Variants in VPS11 observed in about 807,000 individuals in gnomAD.
The protein encoded by VPS11 is VPS11 core subunit of CORVET and HOPS complexes, also known as vacuolar protein sorting-associated protein 11 homolog.
A neutral mutation model predicts 106.8 loss-of-function variants in VPS11; 51 were observed. That is an observed-to-expected ratio of 0.48 (90% confidence interval 0.38 to 0.60). The LOEUF (loss-of-function observed/expected upper bound fraction) is 0.60. Among genes scored for constraint, VPS11 ranks in the 20% least tolerant of loss-of-function variants. The pLI is 0.00. For missense variants in VPS11, 950 were observed against 1,190.0 expected, an observed-to-expected ratio of 0.80 and a Z score of 2.97; for synonymous variants, 453 against 458.7, an observed-to-expected ratio of 0.99 and a Z score of 0.16.
At position 119,070,167 on chromosome 11, in the gene VPS11, C is replaced by G. The variant is rs1945320886; in HGVS notation, c.473-67C>G. The G allele has an allele frequency of 7.3e-6, 11 of 1,509,820 alleles. No homozygotes were observed. The South Asian group carries it at 1.1e-4, about 16-fold the overall frequency. 93.5% of individuals were successfully genotyped at this position (1,509,820 alleles called of 1,614,324 possible). A position where few individuals can be genotyped will look rare whatever the true frequency, so the allele number is the denominator to read the frequency against. On this transcript the variant is annotated intron_variant, in intron 3 of 15. Transcript: ENST00000621676. ...GTCACTTCTGAGTGCCTCAAGTGGT[C>G]TTTTTTCCCCTCTCCACTTCCTGAT...
At chr11:119,068,495 G>T (rs1945216471) in intron 1 of VPS11, among the ~76,000 whole-genome samples, 1 of 141,482 alleles carries the variant, frequency 7.1e-6, no homozygotes, top group Non-Finnish European at 1.5e-5. Flanking sequence ...TGTTGCCCAG[G>T]CTGGAGTGCA....
chr11:119,069,107 T>C, intron 1 of VPS11, 89 bp from the exon 2 acceptor site: 1 of 1,516,372 alleles, frequency 6.6e-7, no homozygotes, highest in East Asian at 2.3e-5. Context: ...TTGAAAATTT[T>C]AGAGTTATAT....
chr11:119,078,233 C>G lies in VPS11; in HGVS notation c.1822C>G (p.Leu608Val), dbSNP rs782280365. 6.2e-7 allele frequency: 1 copy of G among 1,613,642 alleles called. No individual in the cohort carries two copies. The highest frequency in any genetic ancestry group is 8.5e-7 in the Non-Finnish European group (1 of 1,179,848). The change falls in exon 11 of 16, where the codon CTA (leucine) becomes GTA (valine). Residue 608 changes from leucine to valine, a missense_variant. Leu to Val is a conservative substitution (Grantham distance 32). This residue lies in a region of VPS11 where 453 missense variants were observed against 514.6 expected (regional missense o/e 0.88). Coordinates refer to ENST00000621676, the MANE Select transcript of VPS11 (RefSeq NM_021729.6). Reference sequence around the variant, plus strand: ...TAACCCGCGAGAGCTGAAAGCCTTCCTAGAGCACATGAGTGAAGTGCAGCC... The same window carrying G: ...TAACCCGCGAGAGCTGAAAGCCTTCGTAGAGCACATGAGTGAAGTGCAGCC... ...ANNPRELKAF[L>V]EHMSEVQPDS...
intron 14 of VPS11, among the ~76,000 whole-genome samples, chr11:119,080,022 G>A (rs1565745301): frequency 6.6e-6 from 1 of 152,130 alleles, no homozygotes. Flanking sequence ...GCTTTATGTT[G>A]TAGAAGAGAC....
At chr11:119,068,970 C>T (rs1476800604) in intron 1 of VPS11, among the ~76,000 whole-genome samples, 1 of 131,738 alleles carries the variant, frequency 7.6e-6, no homozygotes, top group East Asian at 2.3e-4. Flanking sequence ...AGGCTGGTCT[C>T]GAACCCCTGA....
At position 119,073,922 on chromosome 11, in the gene VPS11, C is replaced by T. The variant is rs2134766917; in HGVS notation, c.1209C>T (p.Asn403=). The T allele has an allele frequency of 6.2e-7, 1 of 1,613,340 alleles. No individual in the cohort carries two copies. ...QYGDHLYSKG[N]HDGAVQQYIR... ...GAGACCATCTCTACAGCAAGGGCAA[C>T]CACGATGGGGCTGTCCAGCAATATA... Residue 403 remains asparagine, a synonymous_variant, in exon 7 of 16, where the codon AAC becomes AAT. Transcript: ENST00000621676.
rs569661949 is a variant in VPS11 at position 119,071,733 on chromosome 11, C to T, written c.774C>T (p.Tyr258=). The T allele has an allele frequency of 6.2e-7, 1 of 1,613,996 alleles. No homozygotes were observed. The highest frequency in any genetic ancestry group is 1.3e-5 in the African/African-American group (1 of 75,048). The stretch of plus-strand genomic sequence containing the variant: ...CCGGGGATGAGTGTGTCTACTTGTA[C>T]CAGCCTGATGAACGTGGGCCCTGCT... The part of the protein sequence containing the change: ...IVAGDECVYL[Y]QPDERGPCFA... The change falls in exon 5 of 16, where the codon TAC becomes TAT. Residue 258 remains tyrosine (Y), a synonymous_variant. Transcript: ENST00000621676.
At chr11:119,075,466 A>G (rs890226102) in intron 7 of VPS11, among the ~76,000 whole-genome samples, 2 of 147,854 alleles carry the variant, frequency 1.4e-5, no homozygotes, top group African/African-American at 5.0e-5. Flanking sequence ...GCACTTTGGG[A>G]GGCCAAGGCG....
chr11:119,078,332 C>T lies in VPS11; in HGVS notation c.1921C>T (p.Gln641Ter), dbSNP rs1945714367. 1 of 1,609,830 alleles carries T rather than the reference C, an allele frequency of 6.2e-7. No homozygotes were observed. The change falls in exon 11 of 16, where the codon CAG becomes TAG. Residue 641 changes from glutamine to a stop codon, truncating the protein, a stop_gained and splice_region_variant. Coordinates refer to ENST00000621676, the MANE Select transcript of VPS11 (RefSeq NM_021729.6). LOFTEE classifies it high-confidence loss of function. ...LQNWAHEKDPQVKEKLHAEAI... is the reference protein window; with the variant it reads ...LQNWAHEKDP ...GAACTGGGCCCACGAGAAGGATCCA[C>T]AGGTGAGGCCTGGCCAGGGCTTCAG...
chr11:119,078,947 C>T lies in VPS11; in HGVS notation c.2216C>T (p.Ala739Val), dbSNP rs1279317025. 6.2e-7 allele frequency: 1 copy of T among 1,613,958 alleles called. No homozygotes were observed. Among genetic ancestry groups the T allele is most frequent in the Non-Finnish European group, 8.5e-7 (1 of 1,179,918 alleles). The change falls in exon 13 of 16, where the codon GCA (alanine) becomes GTA (valine). Residue 739 changes from alanine (A) to valine (V), a missense_variant. Physicochemically the swap from Ala to Val is moderately conservative, Grantham distance 64 (BLOSUM62 0). Transcript: ENST00000621676. Reference protein sequence around the residue: ...RKEEDCKEYVAAVLKHIENKN... With the variant: ...RKEEDCKEYVVAVLKHIENKN... The stretch of plus-strand genomic sequence containing the variant: ...GAGGAGGACTGCAAGGAGTATGTGG[C>T]AGCTGTCCTCAAGCATATCGAGAAC...
intron 5 of VPS11, 52 bp from the exon 6 acceptor site, chr11:119,073,146 G>A: frequency 1.9e-6 from 3 of 1,559,020 alleles, no homozygotes; most frequent in East Asian, 2.4e-5. Context: ...AGGAAATAGG[G>A]GAGATAAGAC....
rs1187757951 is a variant in VPS11 at position 119,081,361 on chromosome 11, A to C, written c.2661+47A>C. ...GGGCCAGGGGATTCCCACTAGTGTC[A>C]CAGAGTCACTGGAGGGCTTGTTTCC... On this transcript the variant is annotated intron_variant, in intron 15 of 15. Coordinates refer to ENST00000621676, the MANE Select transcript of VPS11 (RefSeq NM_021729.6). 3 of 1,611,752 alleles carry C rather than the reference A, an allele frequency of 1.9e-6. No individual in the cohort carries two copies. In the African/African-American group the frequency reaches 4.0e-5, roughly 22 times the overall value.
In VPS11 at chr11:119,076,930, C is replaced by T. The variant is rs1199956048; in HGVS notation, c.1272C>T (p.Ile424=). The T allele has an allele frequency of 6.2e-7, 1 of 1,614,004 alleles. No individual in the cohort carries two copies. The highest frequency in any genetic ancestry group is 1.7e-5 in the Admixed American group (1 of 60,024). Residue 424 remains isoleucine (I), a synonymous_variant, in exon 8 of 16, where the codon ATC becomes ATT. Coordinates refer to ENST00000621676, the MANE Select transcript of VPS11 (RefSeq NM_021729.6). ...GAAAGTTGGAGCCATCCTACGTGAT[C>T]CGCAAGTTTCTGGATGCCCAGCGCA... is the stretch of plus-strand genomic sequence containing the variant. The part of the protein sequence containing the change: ...TIGKLEPSYV[I]RKFLDAQRIH...
rs782268978 is a variant in VPS11 at position 119,078,981 on chromosome 11, C to T, written c.2250C>T (p.Leu750=). 6 of 1,614,044 alleles carry T rather than the reference C, an allele frequency of 3.7e-6. No homozygotes were observed. The African/African-American group carries it at 4.0e-5, about 11-fold the overall frequency. ...TCAAGCATATCGAGAACAAGAACCT[C>T]ATGCCACCTCTTCTAGGTACTTGGG... ...AVLKHIENKN[L]MPPLLVVQTL... The change falls in exon 13 of 16, where the codon CTC becomes CTT. Residue 750 remains leucine, a synonymous_variant. Transcript: ENST00000621676.
At chr11:119,070,534 T>C in intron 4 of VPS11, 137 bp downstream of exon 4, 1 of 1,033,860 alleles carries the variant, frequency 9.7e-7, no homozygotes, top group Non-Finnish European at 1.3e-6. Context: ...TGCCTAGCTT[T>C]GTATTTTATT....
In VPS11 at chr11:119,078,646, C is replaced by A; in HGVS notation, c.2005C>A (p.Leu669Met). 1 of 1,613,752 alleles carries A rather than the reference C, an allele frequency of 6.2e-7. No individual in the cohort carries two copies. The highest frequency in any genetic ancestry group is 8.5e-7 in the Non-Finnish European group (1 of 1,179,688). Residue 669 changes from leucine (L) to methionine (M), a missense_variant, in exon 12 of 16, where the codon CTG becomes ATG. Leu to Met is a conservative substitution (Grantham distance 15, BLOSUM62 2). Around this residue, in one of 3 missense-constraint regions of VPS11, gnomAD observed 453 missense variants for 514.6 expected, o/e 0.88. Transcript: ENST00000621676. ...CGACGTCTTTGACAAGGCCCTGGTCCTGTGCCAGATGCACGACTTCCAGGA... is the reference window on the plus strand; with the variant it reads ...CGACGTCTTTGACAAGGCCCTGGTCATGTGCCAGATGCACGACTTCCAGGA... The part of the protein sequence containing the change: ...FCDVFDKALV[L>M]CQMHDFQDGV...
At chr11:119,071,540 A>G in intron 4 of VPS11, 56 bp from the exon 5 acceptor site, 1 of 1,583,254 alleles carries the variant, frequency 6.3e-7, no homozygotes, top group Non-Finnish European at 8.6e-7. Context: ...ACCTTTGTGA[A>G]GGCTTAGAGT....
In VPS11 at chr11:119,081,149, C is replaced by T; in HGVS notation, c.2496C>T (p.Pro832=). ...CSICNSALEL[P]SVHFLCGHSF... ...TCTGTAACAGTGCCTTGGAGTTGCC[C>T]TCAGTCCACTTCCTGTGTGGCCACT... The change falls in exon 15 of 16, where the codon CCC becomes CCT. Residue 832 remains proline (P), a synonymous_variant. Transcript: ENST00000621676. 6.2e-7 allele frequency: 1 copy of T among 1,614,038 alleles called. No individual in the cohort carries two copies. Among genetic ancestry groups the T allele is most frequent in the African/African-American group, 1.3e-5 (1 of 75,050 alleles).
chr11:119,068,135 G>C (rs1945193027), intron 1 of VPS11, 125 bp downstream of exon 1: 1 of 1,120,582 alleles, frequency 8.9e-7, no homozygotes, highest in East Asian at 2.7e-5. Context: ...ATCCAGAGTT[G>C]TTCTGTGGTC....
Sources: allele counts gnomAD v4.1 joint callset (sites outside exome capture counted in the v4.1 genomes callset), GRCh38; gene constraint gnomAD v4.1.1; regional missense constraint gnomAD v4.1.1; transcripts MANE v1.5; gene names NCBI Gene and HGNC (gene_info 2026-07-23, HGNC 2026-07-21).